PARVB: variants seen among roughly 807,000 people sequenced by gnomAD.
PARVB encodes parvin beta.
A neutral mutation model predicts 47.0 loss-of-function variants in PARVB; 46 were observed. The ratio of observed to expected loss-of-function variants is 0.98; its 90% CI spans 0.77 to 1.25. The LOEUF (loss-of-function observed/expected upper bound fraction) is 1.25. Among genes scored for constraint, PARVB ranks in the 50% most tolerant of loss-of-function variants. PARVB has a pLI of 0.00. For missense variants in PARVB, 473 were observed against 471.6 expected (o/e 1.00, Z -0.03); for synonymous variants, 196 against 196.3 (o/e 1.00, Z 0.01).
chr22:44,024,646 C>T (rs1375183200), intron 1 of PARVB, among the ~76,000 whole-genome samples, 195 bp downstream of exon 1: 1 of 152,054 alleles, frequency 6.6e-6, no homozygotes, highest in Admixed American at 6.5e-5. Context: ...GCGCGTGGGG[C>T]CGCGGTGGCC....
At chr22:43,999,854 A>C (rs915045456) in intron 2 of PARVB, among the ~76,000 whole-genome samples, 3 of 150,398 alleles carry the variant, frequency 2.0e-5, no homozygotes, top group Non-Finnish European at 4.4e-5. Flanking sequence ...AAAAAAAAAA[A>C]AAAACAGCTG....
intron 11 of PARVB, among the ~76,000 whole-genome samples, chr22:44,163,333 C>T (rs181230649): frequency 1.3e-5 from 2 of 152,210 alleles, no homozygotes; most frequent in East Asian, 3.9e-4. Flanking sequence ...CAAAAATTAG[C>T]CGGGCACAGT....
Position 44,168,509 on chromosome 22 carries a change from C to T in PARVB, c.1019-93C>T, listed in dbSNP as rs1439420568. ...GAAGCGCTGTGTGTGGATGCGGCAG[C>T]TGGTGTCATGCTGGAGACGTGGCTT... On this transcript the variant is annotated intron_variant, in intron 12 of 12. Coordinates refer to ENST00000338758, the MANE Select transcript of PARVB (RefSeq NM_013327.5). 6 of 826,198 alleles carry T rather than the reference C, an allele frequency of 7.3e-6. No individual in the cohort carries two copies. In the African/African-American group the frequency reaches 1.0e-4, roughly 14 times the overall value. The allele number at this position is 826,198 out of a possible 1,614,324, so 51.2% of individuals were successfully genotyped here.
At chr22:44,147,417 C>A (rs547229573) in intron 8 of PARVB, 9 of 336,700 alleles carry the variant, frequency 2.7e-5, no homozygotes, top group South Asian at 2.1e-4. Context: ...TGCTCCCAGG[C>A]GAGGGGCAGT....
chr22:44,095,829 C>T (rs1460020754), intron 2 of PARVB, among the ~76,000 whole-genome samples: 4 of 152,154 alleles, frequency 2.6e-5, no homozygotes, highest in Non-Finnish European at 4.4e-5. Flanking sequence ...GGAGAAGAAA[C>T]GCCGATGCAA....
At chr22:44,101,124 T>C (rs1423315480) in intron 3 of PARVB, among the ~76,000 whole-genome samples, 8 of 152,192 alleles carry the variant, frequency 5.3e-5, no homozygotes, top group Admixed American at 1.3e-4. Context: ...AAAATCTACA[T>C]TGAGGCTGGG....
rs971657989 is a variant in PARVB, at chr22:44,049,427, T to C, written c.112+24976T>C. Among the ~76,000 whole-genome samples, 7 of 152,256 alleles carry C rather than the reference T, an allele frequency of 4.6e-5. No individual in the cohort carries two copies. The highest frequency in any genetic ancestry group is 7.3e-5 in the Non-Finnish European group (5 of 68,046). On this transcript the variant is annotated intron_variant, in intron 1 of 12. Transcript: ENST00000338758. This position sits in a 1 kb window ranked among gnomAD's most constrained non-coding sequence, Gnocchi z 4.0. ...CTGTCTGATTAAATTTGAGGTTCGT[T>C]TCTCAAGTTTAGCTCTTGTCTGATT... is the stretch of plus-strand genomic sequence containing the variant.
chr22:44,000,964 T>A (rs995309047), intron 2 of PARVB, among the ~76,000 whole-genome samples: 1 of 152,190 alleles, frequency 6.6e-6, no homozygotes, highest in Non-Finnish European at 1.5e-5. Context: ...GAAGATCACA[T>A]TTGGCCAGGT....
At chr22:44,034,386 A>G (rs2050881980) in intron 1 of PARVB, among the ~76,000 whole-genome samples, 1 of 150,050 alleles carries the variant, frequency 6.7e-6, no homozygotes, top group African/African-American at 2.5e-5. Flanking sequence ...GTCTTTATAC[A>G]TATATATATG....
At chr22:44,057,571 C>T (rs968116423) in intron 1 of PARVB, among the ~76,000 whole-genome samples, 2 of 152,082 alleles carry the variant, frequency 1.3e-5, no homozygotes, top group East Asian at 3.9e-4. Context: ...TGGACTGGGT[C>T]TCGGGGGAGG....
chr22:44,103,974 T>G lies in PARVB; in HGVS notation c.273+3851T>G, dbSNP rs1226185576. The G allele has an allele frequency of 3.9e-5, 6 of 152,264 alleles. No individual in the cohort carries two copies. The highest frequency in any genetic ancestry group is 8.8e-5 in the Non-Finnish European group (6 of 68,056). 9.4% of individuals were successfully genotyped at this position (152,264 alleles called of 1,614,324 possible). On this transcript the variant is annotated intron_variant, in intron 3 of 12. Transcript: ENST00000338758. This position sits in a 1 kb window ranked among gnomAD's most constrained non-coding sequence, Gnocchi z 4.6. The stretch of plus-strand genomic sequence containing the variant: ...CCTCTAGGACTGCAAGAGAATCCAC[T>G]GAGCCGTTGGAAGCCCCTGGGTTTG...
At chr22:44,005,275 ATTT>A (rs10711277) in intron 2 of PARVB, among the ~76,000 whole-genome samples, 8 of 132,984 alleles carry the variant, frequency 6.0e-5, no homozygotes, top group African/African-American at 2.0e-4. Context: ...AATTTTTTCT[ATTT>A]TTTTTTTTTT....
At position 44,024,407 on chromosome 22, in the gene PARVB, G is replaced by A. The variant is rs911399384; in HGVS notation, c.68G>A (p.Gly23Asp). 28 of 1,260,806 alleles carry A rather than the reference G, an allele frequency of 2.2e-5. No homozygotes were observed. Among genetic ancestry groups the A allele is most frequent in the Non-Finnish European group, 2.4e-5 (24 of 989,108 alleles). The allele number at this position is 1,260,806 out of a possible 1,614,324, so 78.1% of individuals were successfully genotyped here. ...RRMKKDESFL[G>D]KLGGTLARKR... is the part of the protein sequence containing the mutation. ...ATGAAGAAGGACGAGTCGTTCCTGG[G>A]CAAGCTGGGCGGCACCCTGGCCAGG... Residue 23 changes from glycine (G) to aspartate (D), a missense_variant, in exon 1 of 13, where the codon GGC becomes GAC. Transcript: ENST00000338758.
At chr22:44,133,101 T>TC (rs1242837209) in intron 6 of PARVB, 92 bp downstream of exon 6, 2 of 749,190 alleles carry the variant, frequency 2.7e-6, no homozygotes, top group Non-Finnish European at 4.4e-6. Flanking sequence ...CCTCCTTTTT[T>TC]CCCCCCAGGA....
chr22:44,026,337 A>G (rs2050728248), intron 1 of PARVB: 15 of 985,342 alleles, frequency 1.5e-5, no homozygotes, highest in African/African-American at 1.7e-5. Context: ...CAGGAGGAGG[A>G]GCAGGACGCC....
chr22:44,015,616 T>A (rs1424885218), intron 2 of PARVB, among the ~76,000 whole-genome samples: 1 of 152,106 alleles, frequency 6.6e-6, no homozygotes, highest in Non-Finnish European at 1.5e-5. Context: ...GTCAGGAGTT[T>A]GAGACCAGCC....
intron 1 of PARVB, among the ~76,000 whole-genome samples, chr22:44,055,757 T>G (rs1313898537): frequency 6.6e-6 from 1 of 152,072 alleles, no homozygotes; most frequent in Non-Finnish European, 1.5e-5. Context: ...CCCAGGATCT[T>G]CAAGCTGGAG....
intron 12 of PARVB, among the ~76,000 whole-genome samples, chr22:44,165,747 C>A (rs1201654809): frequency 6.6e-6 from 1 of 152,260 alleles, no homozygotes; most frequent in Non-Finnish European, 1.5e-5. Flanking sequence ...AACTTTCCAG[C>A]AGGGCCCACG....
At chr22:44,023,543 AAAATAAAATAAAAT>A, upstream of PARVB, among the ~76,000 whole-genome samples, 1 of 23,702 alleles carries the variant, frequency 4.2e-5, no homozygotes, top group African/African-American at 1.2e-4. Context: ...AAAACAAAAT[AAAATAAAATAAAAT>A]AAAATAAAAT....
Sources: gnomAD v4.1 joint callset for allele counts (sites outside exome capture counted in the v4.1 genomes callset) on GRCh38, gnomAD v4.1.1 for gene constraint, Gnocchi (gnomAD v3.1) non-coding constraint, MANE v1.5 for transcripts, NCBI Gene and HGNC (gene_info 2026-07-23, HGNC 2026-07-21) for gene names.